Variants in DMD observed in about 807,000 individuals in gnomAD.
DMD encodes the protein mutant dystrophin.
In DMD, 63 loss-of-function variants were observed where a neutral mutation model predicts 330.1. The observed-to-expected ratio is 0.19, with a 90% CI of 0.16 to 0.24. The LOEUF is 0.24. Among genes scored for constraint, DMD ranks in the 10% least tolerant of loss-of-function variants. The pLI is 1.00. For missense variants in DMD, 3,344 were observed against 2,684.1 expected (o/e 1.25, Z -5.43); for synonymous variants, 1,223 against 959.8 (o/e 1.27, Z -5.07).
chrX:32,574,629 C>A (rs1441861416), intron 13 of DMD, among the ~76,000 whole-genome samples: 1 of 111,488 alleles, frequency 9.0e-6, no homozygotes, highest in Non-Finnish European at 1.9e-5. Context: ...CTTTTTGTAA[C>A]TTTTTCATAT....
chrX:32,798,847 T>C (rs1330971265), intron 7 of DMD, among the ~76,000 whole-genome samples: 1 of 111,563 alleles, frequency 9.0e-6, no homozygotes, highest in Non-Finnish European at 1.9e-5. Context: ...AAATATTTAT[T>C]TATTTAAATT....
chrX:32,074,443 G>T (rs1300335244), intron 44 of DMD, among the ~76,000 whole-genome samples: 1 of 112,249 alleles, frequency 8.9e-6, no homozygotes. Context: ...ACTATAGCCT[G>T]TGTGACAACT....
At chrX:32,315,441 CCA>C (rs1442011271) in intron 41 of DMD, among the ~76,000 whole-genome samples, 3 of 110,261 alleles carry the variant, frequency 2.7e-5, no homozygotes, top group Non-Finnish European at 5.7e-5. Context: ...GTGCAGCAAA[CCA>C]CCACGGAACA....
chrX:31,971,256 T>A (rs1015657394), intron 44 of DMD, among the ~76,000 whole-genome samples: 6 of 112,244 alleles, frequency 5.3e-5, no homozygotes, highest in Non-Finnish European at 1.1e-4. Context: ...TATAAACTAA[T>A]GCTGCAGCAT....
At chrX:32,551,913 C>G (rs1472789649) in intron 16 of DMD, among the ~76,000 whole-genome samples, 1 of 111,816 alleles carries the variant, frequency 8.9e-6, no homozygotes, top group Non-Finnish European at 1.9e-5. Context: ...AGGAATACAG[C>G]TAAGCAAGGA....
chrX:32,451,810 G>A (rs764775696), intron 26 of DMD, among the ~76,000 whole-genome samples: 5 of 110,618 alleles, frequency 4.5e-5, no homozygotes, highest in Non-Finnish European at 7.6e-5. Context: ...ACTGTCTTGA[G>A]TAGCAGGCTG....
intron 55 of DMD, among the ~76,000 whole-genome samples, chrX:31,516,899 C>T (rs2072264324): frequency 9.0e-6 from 1 of 111,278 alleles, no homozygotes; most frequent in Non-Finnish European, 1.9e-5. Context: ...GGGTGGATTA[C>T]CCCCGGAGGA....
chrX:33,226,929 G>A (rs2052302121), intron 1 of DMD, among the ~76,000 whole-genome samples: 1 of 109,475 alleles, frequency 9.1e-6, no homozygotes, highest in Admixed American at 1.0e-4. Context: ...ATGGAGATTA[G>A]GTGGCATCAA....
Position 32,859,949 on chromosome X carries a change from A to C in DMD, c.94-10129T>G, listed in dbSNP as rs896097979. ...CTCTCTGTCTTCAGTTCATTTTATGACTAAGATTTCCCTTATCAAGTGAAC... is the reference window on the plus strand; with the variant it reads ...CTCTCTGTCTTCAGTTCATTTTATGCCTAAGATTTCCCTTATCAAGTGAAC... On this transcript the variant is annotated intron_variant, in intron 2 of 78. Transcript: ENST00000357033. 1.1e-4 allele frequency among the ~76,000 whole-genome samples: 12 copies of C among 111,722 alleles called. No individual in the cohort carries two copies. The South Asian group carries it at 2.2e-3, about 21-fold the overall frequency.
chrX:32,459,030 G>A (rs1444402880), intron 25 of DMD, among the ~76,000 whole-genome samples: 3 of 110,880 alleles, frequency 2.7e-5, no homozygotes, highest in Non-Finnish European at 3.8e-5. Flanking sequence ...GCAAAATGAT[G>A]CCCAAAGGAT....
chrX:31,927,711 A>G (rs1449492374), intron 47 of DMD, among the ~76,000 whole-genome samples: 1 of 111,245 alleles, frequency 9.0e-6, no homozygotes, highest in Non-Finnish European at 1.9e-5. Context: ...TTTTAATGTC[A>G]TAAAATTGGT....
chrX:33,329,669 T>C (rs1165590088), intron 1 of DMD, among the ~76,000 whole-genome samples: 1 of 111,668 alleles, frequency 9.0e-6, no homozygotes, highest in East Asian at 2.8e-4. Context: ...AGAGTACAGC[T>C]GTATGGCTTC....
intron 7 of DMD, among the ~76,000 whole-genome samples, chrX:32,781,013 G>A (rs2074686201): frequency 9.2e-6 from 1 of 108,885 alleles, no homozygotes; most frequent in Non-Finnish European, 1.9e-5. Flanking sequence ...AGCTACTCGG[G>A]AGGCTGAGGC....
chrX:32,507,551 T>C (rs2044751665), intron 18 of DMD, among the ~76,000 whole-genome samples: 1 of 111,551 alleles, frequency 9.0e-6, no homozygotes, highest in African/African-American at 3.3e-5. Flanking sequence ...GTTAACCACA[T>C]TGTTCCAGTT....
chrX:32,176,627 G>C (rs1308410553), intron 44 of DMD, among the ~76,000 whole-genome samples: 2 of 111,466 alleles, frequency 1.8e-5, no homozygotes, highest in African/African-American at 6.5e-5. Context: ...TGACATTTTA[G>C]CTGAGTATAG....
chrX:32,412,038 C>T (rs376210151), intron 29 of DMD, 125 bp from the exon 30 acceptor site: 59 of 1,190,461 alleles, frequency 5.0e-5, no homozygotes, highest in South Asian at 2.0e-4. Context: ...AGACAGATTT[C>T]GCAGCTTCCT....
intron 43 of DMD, among the ~76,000 whole-genome samples, chrX:32,277,890 T>A (rs981985117): frequency 9.1e-6 from 1 of 110,166 alleles, no homozygotes; most frequent in Non-Finnish European, 1.9e-5. Flanking sequence ...CACCTAACAA[T>A]GCAACTTAAA....
Position 32,614,410 on chromosome X carries a change from C to T in DMD, c.1375G>A (p.Glu459Lys). Residue 459 changes from glutamate to lysine, a missense_variant, in exon 12 of 79, where the codon GAG becomes AAG. Transcript: ENST00000357033. ...LMDLQNQKLK[E>K]LNDWLTKTEE... The stretch of plus-strand genomic sequence containing the variant: ...GTTTTTGTTAGCCAGTCATTCAACT[C>T]TTTCAGTTTCTGATTCTGGAGATCC... The T allele has an allele frequency of 8.3e-7, 1 of 1,207,447 alleles. No homozygotes were observed. The highest frequency in any genetic ancestry group is 1.1e-6 in the Non-Finnish European group (1 of 892,567).
intron 64 of DMD, among the ~76,000 whole-genome samples, chrX:31,222,291 C>T (rs1474565163): frequency 2.9e-5 from 3 of 102,758 alleles, no homozygotes; most frequent in African/African-American, 7.3e-5. Flanking sequence ...GGGAGGCTGA[C>T]GCAGGAGAAT....
Sources: gnomAD v4.1 joint callset for allele counts (sites outside exome capture counted in the v4.1 genomes callset) on GRCh38, gnomAD v4.1.1 for gene constraint, MANE v1.5 for transcripts, NCBI Gene and HGNC (gene_info 2026-07-23, HGNC 2026-07-21) for gene names.